ASIC2: variants seen among roughly 807,000 people sequenced by gnomAD.
The protein encoded by ASIC2 is acid-sensing ion channel 2.
A neutral mutation model predicts 57.3 loss-of-function variants in ASIC2; 25 were observed. That is an observed-to-expected ratio of 0.44 (90% confidence interval 0.32 to 0.61). The LOEUF (loss-of-function observed/expected upper bound fraction) is 0.61. ASIC2 is among the 20% of genes least tolerant of loss of function. ASIC2 has a pLI of 0.06. For missense variants in ASIC2, 641 were observed against 738.1 expected (o/e 0.87, Z 1.52); for synonymous variants, 319 against 307.5 (o/e 1.04, Z -0.39).
At chr17:33,472,080 C>G (rs527554006) in intron 1 of ASIC2, among the ~76,000 whole-genome samples, 1 of 148,462 alleles carries the variant, frequency 6.7e-6, no homozygotes, top group Admixed American at 6.8e-5. Context: ...AGTGCAATGG[C>G]GTGATCTTGG....
intron 1 of ASIC2, among the ~76,000 whole-genome samples, chr17:33,451,891 C>T (rs1295172664): frequency 1.3e-5 from 2 of 152,226 alleles, no homozygotes; most frequent in African/African-American, 4.8e-5. Flanking sequence ...TTGTTGACTA[C>T]TATTCTCCCT....
chr17:33,726,762 G>T (rs1368574933), intron 1 of ASIC2, among the ~76,000 whole-genome samples: 1 of 152,196 alleles, frequency 6.6e-6, no homozygotes, highest in Non-Finnish European at 1.5e-5. Flanking sequence ...TTGATTAAAA[G>T]ATTAAATGAG....
At chr17:33,368,820 C>T (rs545075851) in intron 1 of ASIC2, among the ~76,000 whole-genome samples, 4 of 152,270 alleles carry the variant, frequency 2.6e-5, no homozygotes, top group East Asian at 1.9e-4. Flanking sequence ...TCCTTTCACC[C>T]GTCTTAGCTC....
intron 1 of ASIC2, among the ~76,000 whole-genome samples, chr17:34,131,832 G>A (rs1392695106): frequency 6.6e-6 from 1 of 152,216 alleles, no homozygotes; most frequent in East Asian, 1.9e-4. Flanking sequence ...TGAAAGGTCT[G>A]AGAATCTGGA....
intron 1 of ASIC2, among the ~76,000 whole-genome samples, chr17:33,633,124 A>C (rs190904354): frequency 6.6e-6 from 1 of 152,294 alleles, no homozygotes; most frequent in East Asian, 1.9e-4. Flanking sequence ...TTCTCCAAGG[A>C]CTGGTGAGGG....
chr17:33,783,748 G>T (rs975396853), intron 1 of ASIC2, among the ~76,000 whole-genome samples: 2 of 152,186 alleles, frequency 1.3e-5, no homozygotes, highest in African/African-American at 2.4e-5. Flanking sequence ...ACTTTCCCAT[G>T]GAAACCCCTG....
intron 1 of ASIC2, among the ~76,000 whole-genome samples, chr17:33,960,377 G>A (rs1904880803): frequency 6.6e-6 from 1 of 152,202 alleles, no homozygotes; most frequent in Admixed American, 6.5e-5. Flanking sequence ...ACCACTTTGA[G>A]TTGTGTTTTC....
chr17:33,716,860 C>T (rs1193599081), intron 1 of ASIC2, among the ~76,000 whole-genome samples: 2 of 152,170 alleles, frequency 1.3e-5, no homozygotes, highest in African/African-American at 4.8e-5. Flanking sequence ...GGAATGATGC[C>T]TCGCTCTGAC....
At chr17:33,880,527 A>C (rs1914672438) in intron 1 of ASIC2, among the ~76,000 whole-genome samples, 1 of 152,062 alleles carries the variant, frequency 6.6e-6, no homozygotes, top group Admixed American at 6.6e-5. Context: ...TAAATTCCTC[A>C]ACACATACAC....
rs796194067 is a variant in ASIC2, at chr17:34,095,633, T to TTATA, written c.555+60341_555+60344dup. Among the ~76,000 whole-genome samples, 647 of 98,138 alleles carry TTATA rather than the reference T, an allele frequency of 6.6e-3. 4 individuals are homozygous for TTATA. The highest frequency in any genetic ancestry group is 0.022 in the South Asian group (63 of 2,912). 64.4% of individuals were successfully genotyped at this position (98,138 alleles called of 152,430 possible). On this transcript the variant is annotated intron_variant, in intron 1 of 9. Coordinates refer to the ASIC2 transcript ENST00000359872. ...TATATATATATATATATATATAATT[T>TTATA]TATATATATATATATATATATAATT...
chr17:33,355,945 T>G (rs1190699969), intron 1 of ASIC2, among the ~76,000 whole-genome samples: 1 of 151,988 alleles, frequency 6.6e-6, no homozygotes, highest in Non-Finnish European at 1.5e-5. Context: ...CAGAGAAGGG[T>G]AAACGAACCT....
intron 1 of ASIC2, among the ~76,000 whole-genome samples, chr17:33,267,773 G>A (rs1166559722): frequency 1.3e-5 from 2 of 152,198 alleles, no homozygotes; most frequent in East Asian, 3.8e-4. Flanking sequence ...ATACCCAGAA[G>A]TGGAGGGGAC....
At chr17:33,204,577 C>T (rs1466405089) in intron 1 of ASIC2, among the ~76,000 whole-genome samples, 1 of 152,200 alleles carries the variant, frequency 6.6e-6, no homozygotes, top group Non-Finnish European at 1.5e-5. Context: ...GTTGACTCTA[C>T]CCAGACTCCA....
chr17:33,136,855 A>G (rs1312145109), intron 1 of ASIC2, among the ~76,000 whole-genome samples: 5 of 152,192 alleles, frequency 3.3e-5, no homozygotes, highest in Middle Eastern at 3.2e-3. Context: ...GCTGCTAAAT[A>G]GGAAATTCAT....
At chr17:33,917,175 C>A (rs1323458863) in intron 1 of ASIC2, among the ~76,000 whole-genome samples, 1 of 152,166 alleles carries the variant, frequency 6.6e-6, no homozygotes, top group African/African-American at 2.4e-5. Flanking sequence ...AAAGTTCTGG[C>A]CTGCACTCTG....
chr17:33,470,905 G>A (rs1218224765), intron 1 of ASIC2, among the ~76,000 whole-genome samples: 1 of 141,536 alleles, frequency 7.1e-6, no homozygotes, highest in African/African-American at 2.7e-5. Context: ...CATCAAATCT[G>A]TATAACTCTC....
intron 1 of ASIC2, among the ~76,000 whole-genome samples, chr17:33,183,578 G>A (rs562710599): frequency 1.7e-4 from 26 of 152,162 alleles, no homozygotes; most frequent in Admixed American, 7.9e-4. Context: ...AGTAGCAGAG[G>A]TTATTTCAAA....
intron 1 of ASIC2, among the ~76,000 whole-genome samples, chr17:33,349,836 C>T (rs1271261954): frequency 6.6e-6 from 1 of 152,056 alleles, no homozygotes; most frequent in Non-Finnish European, 1.5e-5. Flanking sequence ...CATTTATTCC[C>T]ACTTGTTTCA....
intron 1 of ASIC2, among the ~76,000 whole-genome samples, chr17:34,024,781 G>A (rs34222754): frequency 2.2e-4 from 34 of 152,170 alleles, no homozygotes; most frequent in African/African-American, 7.2e-4. Flanking sequence ...GGATTTCAGA[G>A]TCCATTTTTT....
Sources: gnomAD v4.1 joint callset for allele counts (sites outside exome capture counted in the v4.1 genomes callset) on GRCh38, gnomAD v4.1.1 for gene constraint, MANE v1.5 for transcripts, NCBI Gene and HGNC (gene_info 2026-07-23, HGNC 2026-07-21) for gene names.